JAKMIP3: variants seen among roughly 807,000 people sequenced by gnomAD.
The protein encoded by JAKMIP3 is Janus kinase and microtubule interacting protein 3.
Under a neutral mutation model 118.5 loss-of-function variants are expected in JAKMIP3, and 58 were observed. The ratio of observed to expected loss-of-function variants is 0.49; its 90% CI spans 0.40 to 0.61. The LOEUF (loss-of-function observed/expected upper bound fraction) is 0.61. Among genes scored for constraint, JAKMIP3 ranks in the 20% least tolerant of loss-of-function variants. The pLI is 0.00. For missense variants in JAKMIP3, 950 were observed against 1,109.0 expected (o/e 0.86, Z 2.04); for synonymous variants, 486 against 451.2 (o/e 1.08, Z -0.98).
chr10:132,130,796 G>A (rs1188437930), intron 3 of JAKMIP3, among the ~76,000 whole-genome samples: 2 of 152,162 alleles, frequency 1.3e-5, no homozygotes, highest in Non-Finnish European at 2.9e-5. Context: ...GCACTGTGGG[G>A]CAGTGGTGAG....
intron 1 of JAKMIP3, among the ~76,000 whole-genome samples, chr10:132,081,975 C>T (rs375393113): frequency 1.8e-4 from 28 of 151,828 alleles, no homozygotes; most frequent in South Asian, 4.2e-4. Flanking sequence ...TCCCTGCCTA[C>T]GAATTCTGTC....
chr10:132,115,114 C>T (rs1020560559), intron 2 of JAKMIP3, among the ~76,000 whole-genome samples: 6 of 152,208 alleles, frequency 3.9e-5, no homozygotes, highest in Non-Finnish European at 4.4e-5. Flanking sequence ...CCCAAGCTGC[C>T]AAATGCCTAT....
intron 1 of JAKMIP3, among the ~76,000 whole-genome samples, chr10:132,071,853 C>CTTTCCTTT (rs1564866162): frequency 1.7e-5 from 2 of 114,938 alleles, no homozygotes; most frequent in Non-Finnish European, 1.7e-5. Flanking sequence ...TTCTTTCTTT[C>CTTTCCTTT]CTTTCTTTCC....
chr10:132,153,730 A>C, intron 17 of JAKMIP3, 29 bp from the exon 18 acceptor site: 4 of 1,611,382 alleles, frequency 2.5e-6, no homozygotes, highest in Non-Finnish European at 3.4e-6. Flanking sequence ...CCTAGGGGTC[A>C]CTGTCCTGCT....
chr10:132,088,735 G>T (rs2042731599), intron 1 of JAKMIP3, among the ~76,000 whole-genome samples: 1 of 152,014 alleles, frequency 6.6e-6, no homozygotes, highest in Admixed American at 6.6e-5. Flanking sequence ...GTCAATTTTG[G>T]CTTTTGTTCC....
chr10:132,112,986 A>ACCGT lies in JAKMIP3; in HGVS notation c.136-4088_136-4085dup, dbSNP rs2047104116. ...CACAGCTAGGGTTTGAAAGACTGTG[A>ACCGT]CCGTCCCACTTTCTAAAGCGTGACT... is the stretch of plus-strand genomic sequence containing the variant. On this transcript the variant is annotated intron_variant, in intron 2 of 23. Coordinates refer to ENST00000684848, the MANE Select transcript of JAKMIP3 (RefSeq NM_001323087.2). The surrounding 1 kb of genome is among the most constrained non-coding windows in gnomAD (Gnocchi z 4.3). Among the ~76,000 whole-genome samples the ACCGT allele has an allele frequency of 6.6e-6, 1 of 152,186 alleles. No homozygotes were observed. The highest frequency in any genetic ancestry group is 2.1e-4 in the South Asian group (1 of 4,832).
intron 1 of JAKMIP3, among the ~76,000 whole-genome samples, chr10:132,070,060 G>A (rs1207595816): frequency 1.3e-5 from 2 of 152,178 alleles, no homozygotes; most frequent in African/African-American, 4.8e-5. Flanking sequence ...GTACCACCCT[G>A]TGGGGGCTTC....
chr10:132,116,346 G>C (rs543939107), intron 2 of JAKMIP3, among the ~76,000 whole-genome samples: 1 of 151,410 alleles, frequency 6.6e-6, no homozygotes, highest in Non-Finnish European at 1.5e-5. Flanking sequence ...CATCATGGAC[G>C]CTCCCCCCGA....
At chr10:132,048,722 C>T (rs557827849) in intron 1 of JAKMIP3, among the ~76,000 whole-genome samples, 3 of 142,466 alleles carry the variant, frequency 2.1e-5, no homozygotes, top group East Asian at 2.3e-4. Context: ...TAGAGTGCTC[C>T]GCCTCCCGGG....
At chr10:132,161,062 T>TGTGTGACGCTGGGGGCGTGTCTTC (rs1564985342) in intron 19 of JAKMIP3, among the ~76,000 whole-genome samples, 8 of 7,142 alleles carry the variant, frequency 1.1e-3, no homozygotes, top group African/African-American at 4.4e-3. Context: ...GGCGTGTCTT[T>TGTGTGACGCTGGGGGCGTGTCTTC]CTGTGTGATG....
chr10:132,120,421 C>A (rs1012837674), intron 3 of JAKMIP3, among the ~76,000 whole-genome samples: 3 of 152,222 alleles, frequency 2.0e-5, no homozygotes, highest in African/African-American at 7.2e-5. Flanking sequence ...CTGGGATGCA[C>A]TTCCTTCCTC....
chr10:132,139,346 ATG>A (rs1474272890), intron 9 of JAKMIP3, among the ~76,000 whole-genome samples: 5 of 146,066 alleles, frequency 3.4e-5, no homozygotes, highest in South Asian at 2.2e-4. Context: ...ATGTGTGTAC[ATG>A]TGAGTGTATA....
In JAKMIP3 at chr10:132,183,069, A is replaced by T. The variant is rs560682417; in HGVS notation, c.*1816A>T. On this transcript the variant is annotated 3_prime_UTR_variant, in exon 24 of 24. Coordinates refer to ENST00000684848, the MANE Select transcript of JAKMIP3 (RefSeq NM_001323087.2). ...GCGTCTCGAGTCTGAAATCCTGTTT[A>T]GTCCTCTGTGCATAGTTTTGTCTCA... 1.3e-5 allele frequency: 2 copies of T among 152,174 alleles called. No individual in the cohort carries two copies. The highest frequency in any genetic ancestry group is 2.9e-5 in the Non-Finnish European group (2 of 68,042). The allele number at this position is 152,174 out of a possible 1,614,324, so 9.4% of individuals were successfully genotyped here.
rs902993512 is a variant in JAKMIP3, at chr10:132,184,184, G to A, written c.*2931G>A. 1 of 152,232 alleles carries A rather than the reference G, an allele frequency of 6.6e-6. No individual in the cohort carries two copies. Among genetic ancestry groups the A allele is most frequent in the Non-Finnish European group, 1.5e-5 (1 of 68,038 alleles). The allele number at this position is 152,232 out of a possible 1,614,324, so 9.4% of individuals were successfully genotyped here. A position where few individuals can be genotyped will look rare whatever the true frequency, so the allele number is the denominator to read the frequency against. ...ATAGCAGATTCCTTTGTTGACACCA[G>A]TGTGTTGTTTACCTTGTGCCCATGG... is the stretch of plus-strand genomic sequence containing the variant. On this transcript the variant is annotated 3_prime_UTR_variant, in exon 24 of 24. Transcript: ENST00000684848.
chr10:132,089,787 A>C (rs1354890104), intron 1 of JAKMIP3, among the ~76,000 whole-genome samples: 2 of 152,218 alleles, frequency 1.3e-5, no homozygotes, highest in Non-Finnish European at 2.9e-5. Context: ...GTCTTGTGCC[A>C]GTTTCCAAAG....
intron 3 of JAKMIP3, among the ~76,000 whole-genome samples, chr10:132,122,013 T>C (rs1171933343): frequency 6.6e-6 from 1 of 152,220 alleles, no homozygotes; most frequent in Admixed American, 6.5e-5. Context: ...CAGCAAAGCC[T>C]CCTGTCTTTA....
At position 132,140,796 on chromosome 10, in the gene JAKMIP3, G is replaced by T. The variant is rs77263725; in HGVS notation, c.1473+217G>T. Among the ~76,000 whole-genome samples, 8 of 152,306 alleles carry T rather than the reference G, an allele frequency of 5.3e-5. No homozygotes were observed. In the East Asian group the frequency reaches 7.7e-4, roughly 15 times the overall value. On this transcript the variant is annotated intron_variant, in intron 10 of 23. Transcript: ENST00000684848. ...GCACGGTGAGAAGCTCCCATGACATGGCTTGGGGTGTGGGCTGAGGCCCGC... is the reference window on the plus strand; with the variant it reads ...GCACGGTGAGAAGCTCCCATGACATTGCTTGGGGTGTGGGCTGAGGCCCGC...
intron 23 of JAKMIP3, among the ~76,000 whole-genome samples, chr10:132,180,751 G>GTGTA (rs1369274438): frequency 4.1e-5 from 1 of 24,656 alleles, no homozygotes; most frequent in African/African-American, 2.4e-4. Context: ...GCGTGCGCGC[G>GTGTA]CGTGTGTGCG....
At chr10:132,146,129 G>GCCCCCACCCCCA (rs1170830974) in intron 13 of JAKMIP3, among the ~76,000 whole-genome samples, 1 of 99,980 alleles carries the variant, frequency 1.0e-5, no homozygotes, top group Non-Finnish European at 2.2e-5. Context: ...GTGCTGCCCC[G>GCCCCCACCCCCA]CCCCCACCCC....
Sources: allele counts gnomAD v4.1 joint callset (sites outside exome capture counted in the v4.1 genomes callset), GRCh38; gene constraint gnomAD v4.1.1; non-coding constraint Gnocchi (gnomAD v3.1); transcripts MANE v1.5; gene names NCBI Gene and HGNC (gene_info 2026-07-23, HGNC 2026-07-21).